PEMT: variants seen among roughly 807,000 people sequenced by gnomAD.
The protein encoded by PEMT is phosphatidylethanolamine N-methyltransferase, also known as phospholipid methyltransferase.
Under a neutral mutation model 27.4 loss-of-function variants are expected in PEMT, and 23 were observed. The observed-to-expected ratio is 0.84, with a 90% CI of 0.60 to 1.19. The LOEUF (loss-of-function observed/expected upper bound fraction) is 1.19, where lower values mean the gene tolerates loss of function less well. PEMT is among the 50% of genes most tolerant of loss of function. The pLI, the probability that PEMT is intolerant of heterozygous loss-of-function variation, is 0.00. For missense variants in PEMT, 307 were observed against 310.1 expected (o/e 0.99, Z 0.07); for synonymous variants, 137 against 139.1 (o/e 0.98, Z 0.11).
intron 4 of PEMT, among the ~76,000 whole-genome samples, chr17:17,510,129 T>C (rs1234224027): frequency 6.6e-6 from 1 of 152,148 alleles, no homozygotes; most frequent in African/African-American, 2.4e-5. Context: ...GGTATTGTTT[T>C]CTCACTCAGC....
chr17:17,540,683 G>T (rs932350737), intron 2 of PEMT, among the ~76,000 whole-genome samples: 7 of 152,180 alleles, frequency 4.6e-5, no homozygotes, highest in African/African-American at 1.4e-4. Context: ...CAGGGTCCCC[G>T]CAGCACAGCC....
intron 2 of PEMT, among the ~76,000 whole-genome samples, chr17:17,527,847 C>T (rs746863941): frequency 1.3e-5 from 2 of 152,246 alleles, no homozygotes; most frequent in Non-Finnish European, 2.9e-5. Flanking sequence ...GGCCTCTCCC[C>T]TCTGCGGCCA....
At chr17:17,538,678 C>T (rs1363642759) in intron 2 of PEMT, among the ~76,000 whole-genome samples, 1 of 152,190 alleles carries the variant, frequency 6.6e-6, no homozygotes, top group East Asian at 1.9e-4. Context: ...CTGATTTATG[C>T]GCAGCTTTTT....
intron 3 of PEMT, among the ~76,000 whole-genome samples, chr17:17,522,064 C>T (rs547290992): frequency 4.9e-4 from 74 of 152,342 alleles, no homozygotes; most frequent in South Asian, 1.2e-3. Flanking sequence ...CCCCCATTCA[C>T]ATACCCCCAT....
chr17:17,527,588 G>C (rs1332316862), intron 2 of PEMT, among the ~76,000 whole-genome samples: 1 of 152,238 alleles, frequency 6.6e-6, no homozygotes, highest in Non-Finnish European at 1.5e-5. Context: ...CAGAGCTGCT[G>C]TGCGGATTAA....
chr17:17,538,522 T>C (rs796120084), intron 2 of PEMT, among the ~76,000 whole-genome samples: 5 of 152,008 alleles, frequency 3.3e-5, no homozygotes, highest in African/African-American at 1.2e-4. Flanking sequence ...ACCATTGCAT[T>C]CCAGCCTGGG....
At position 17,557,362 on chromosome 17, in the gene PEMT, C is replaced by T. The variant is rs142348893; in HGVS notation, c.204+19558G>A. 2.1e-3 allele frequency among the ~76,000 whole-genome samples: 314 copies of T among 152,306 alleles called. 1 individual carries two copies. Among genetic ancestry groups the T allele is most frequent in the South Asian group, 0.012 (60 of 4,828 alleles). Reference sequence around the variant, plus strand: ...GTCCCTTGCTTCATTATGAAAGGGACGTGACATGCTGACAAAATTACACAT... The same window carrying T: ...GTCCCTTGCTTCATTATGAAAGGGATGTGACATGCTGACAAAATTACACAT... On this transcript the variant is annotated intron_variant, in intron 2 of 6. Coordinates refer to ENST00000255389, the MANE Select transcript of PEMT (RefSeq NM_148172.3).
intron 2 of PEMT, among the ~76,000 whole-genome samples, chr17:17,525,753 G>A (rs1907618818): frequency 6.6e-6 from 1 of 152,212 alleles, no homozygotes; most frequent in Admixed American, 6.5e-5. Flanking sequence ...CCAGCACTTT[G>A]GGAGGCCGAG....
At chr17:17,550,585 C>T (rs1429329038) in intron 2 of PEMT, among the ~76,000 whole-genome samples, 1 of 152,210 alleles carries the variant, frequency 6.6e-6, no homozygotes, top group Non-Finnish European at 1.5e-5. Flanking sequence ...CATTCGGATC[C>T]CATCATTTAT....
intron 6 of PEMT, 64 bp from the exon 7 acceptor site, chr17:17,505,912 G>T: frequency 6.5e-7 from 1 of 1,538,662 alleles, no homozygotes; most frequent in South Asian, 1.3e-5. Context: ...GCCCGCACCA[G>T]AGCTCTGCGT....
At chr17:17,554,229 C>G (rs556162541) in intron 2 of PEMT, among the ~76,000 whole-genome samples, 1 of 152,338 alleles carries the variant, frequency 6.6e-6, no homozygotes, top group East Asian at 1.9e-4. Context: ...GTTAGAGACC[C>G]GGCCCCCTCC....
chr17:17,576,951 G>C lies in PEMT; in HGVS notation c.173C>G (p.Thr58Ser). Residue 58 changes from threonine to serine, a missense_variant, in exon 2 of 7, where the codon ACC becomes AGC. Thr to Ser is a moderately conservative substitution (Grantham distance 58, BLOSUM62 1). Coordinates refer to ENST00000255389, the MANE Select transcript of PEMT (RefSeq NM_148172.3). ...LDPSFVAAVI[T>S]ITFNPLYWNV... The stretch of plus-strand genomic sequence containing the variant: ...CCAGTAGAGCGGATTGAAGGTGATG[G>C]TGATGACGGCAGCCACAAAGCTGGG... 6.2e-7 allele frequency: 1 copy of C among 1,614,042 alleles called. No individual in the cohort carries two copies. The highest frequency in any genetic ancestry group is 8.5e-7 in the Non-Finnish European group (1 of 1,179,952).
At chr17:17,564,771 C>T (rs1393011895) in intron 2 of PEMT, among the ~76,000 whole-genome samples, 3 of 152,168 alleles carry the variant, frequency 2.0e-5, no homozygotes, top group Admixed American at 6.5e-5. Context: ...TCACACCCAC[C>T]GCCCATGCCA....
chr17:17,538,147 C>T (rs986801061), intron 2 of PEMT, among the ~76,000 whole-genome samples: 2 of 152,174 alleles, frequency 1.3e-5, no homozygotes, highest in African/African-American at 2.4e-5. Flanking sequence ...GCAGGCCCCA[C>T]GATGGTAGAG....
At chr17:17,549,374 G>C (rs543522204) in intron 2 of PEMT, among the ~76,000 whole-genome samples, 1 of 152,246 alleles carries the variant, frequency 6.6e-6, no homozygotes, top group African/African-American at 2.4e-5. Flanking sequence ...ATTTTTAGTA[G>C]AGATGGGGTT....
intron 1 of PEMT, among the ~76,000 whole-genome samples, chr17:17,579,788 G>C (rs543839744): frequency 5.9e-5 from 9 of 152,368 alleles, no homozygotes; most frequent in African/African-American, 2.2e-4. Flanking sequence ...ATAGCTGAGT[G>C]AAAGAGTGGC....
chr17:17,553,207 C>A (rs1183520395), intron 2 of PEMT, among the ~76,000 whole-genome samples: 1 of 152,162 alleles, frequency 6.6e-6, no homozygotes, highest in African/African-American at 2.4e-5. Flanking sequence ...GGGGCAGGGA[C>A]AAAGAACAAG....
In PEMT at chr17:17,582,703, T is replaced by C. The variant is rs905920640; in HGVS notation, c.97-5676A>G. On this transcript the variant is annotated intron_variant, in intron 1 of 6. Coordinates refer to ENST00000255389, the MANE Select transcript of PEMT (RefSeq NM_148172.3). The surrounding 1 kb of genome is among the most constrained non-coding windows in gnomAD (Gnocchi z 4.9). ...CGGGTAACGTTTATTTAGGGCAACT[T>C]TGGGTTAGAGCCCTGTGCCTGGCAC... Among the ~76,000 whole-genome samples, 2 of 152,196 alleles carry C rather than the reference T, an allele frequency of 1.3e-5. No homozygotes were observed. The highest frequency in any genetic ancestry group is 4.8e-5 in the African/African-American group (2 of 41,456).
At chr17:17,581,251 C>G (rs1454965918) in intron 1 of PEMT, among the ~76,000 whole-genome samples, 2 of 152,176 alleles carry the variant, frequency 1.3e-5, no homozygotes, top group Non-Finnish European at 2.9e-5. Context: ...TAGCTGAGCT[C>G]CACTAAGGAG....
Sources: allele counts gnomAD v4.1 joint callset (sites outside exome capture counted in the v4.1 genomes callset), GRCh38; gene constraint gnomAD v4.1.1; non-coding constraint Gnocchi (gnomAD v3.1); transcripts MANE v1.5; gene names NCBI Gene and HGNC (gene_info 2026-07-23, HGNC 2026-07-21).